Variants in CASP6 observed in about 807,000 individuals in gnomAD.
The protein encoded by CASP6 is caspase 6, also known as caspase-6.
CASP6 carries 20 observed loss-of-function variants against 31.8 expected under a neutral mutation model. The observed-to-expected ratio is 0.63, with a 90% CI of 0.44 to 0.91. CASP6 has a LOEUF of 0.91. Among genes scored for constraint, CASP6 ranks in the 40% least tolerant of loss-of-function variants. CASP6 has a pLI of 0.00. For missense variants in CASP6, 328 were observed against 361.1 expected (o/e 0.91, Z 0.74); for synonymous variants, 130 against 127.8 (o/e 1.02, Z -0.12).
chr4:109,668,186 C>T, the CASP6 span, among the ~76,000 whole-genome samples: 1 of 151,988 alleles, frequency 6.6e-6, no homozygotes, highest in Admixed American at 6.6e-5. Flanking sequence ...CTGTATACCC[C>T]GTGATTTTCT....
Position 109,694,632 on chromosome 4 carries a change from G to A in CASP6, c.376C>T (p.His126Tyr), listed in dbSNP as rs1398039972. The change falls in exon 5 of 7, where the codon CAC becomes TAC. Residue 126 changes from histidine to tyrosine, a missense_variant. His to Tyr is a moderately conservative substitution (Grantham distance 83). Coordinates refer to ENST00000265164, the MANE Select transcript of CASP6 (RefSeq NM_001226.4). Reference sequence around the variant, plus strand: ...ATTTTAGCATCATATGCATAAATGTGATTGCCTTCGCCATGGCTCAGGAAG... The same window carrying A: ...ATTTTAGCATCATATGCATAAATGTAATTGCCTTCGCCATGGCTCAGGAAG... The part of the protein sequence containing the change: ...CVFLSHGEGN[H>Y]IYAYDAKIEI... The A allele has an allele frequency of 1.2e-6, 2 of 1,612,658 alleles. No homozygotes were observed. The highest frequency in any genetic ancestry group is 1.1e-5 in the South Asian group (1 of 90,578).
chr4:109,686,313 A>G (rs1442108163), downstream of CASP6, among the ~76,000 whole-genome samples: 1 of 152,028 alleles, frequency 6.6e-6, no homozygotes, highest in Non-Finnish European at 1.5e-5. Context: ...TACTTTTTGT[A>G]TTTTTAGTAG....
At chr4:109,676,271 A>C in the CASP6 span, among the ~76,000 whole-genome samples, 1 of 152,098 alleles carries the variant, frequency 6.6e-6, no homozygotes, top group Admixed American at 6.5e-5. Flanking sequence ...GGGTGTGGTG[A>C]CTCGCACCTA....
At chr4:109,705,495 C>T (rs955420552), upstream of CASP6, among the ~76,000 whole-genome samples, 4 of 152,116 alleles carry the variant, frequency 2.6e-5, no homozygotes, top group African/African-American at 7.2e-5. Context: ...TTACAAAATA[C>T]ATTTCATAAG....
intron 2 of CASP6, among the ~76,000 whole-genome samples, 174 bp downstream of exon 2, chr4:109,698,126 C>T (rs1381903205): frequency 2.0e-5 from 3 of 152,164 alleles, no homozygotes; most frequent in Non-Finnish European, 2.9e-5. Context: ...CCGGGTCCCT[C>T]GACAACCAGG....
intron 4 of CASP6, among the ~76,000 whole-genome samples, 164 bp downstream of exon 4, chr4:109,696,246 T>C (rs1443570483): frequency 6.6e-6 from 1 of 152,242 alleles, no homozygotes; most frequent in African/African-American, 2.4e-5. Flanking sequence ...TCTCTAAATG[T>C]GCTGGGTAAC....
chr4:109,697,582 A>G (rs770436605), intron 3 of CASP6, 40 bp downstream of exon 3: 1 of 1,560,512 alleles, frequency 6.4e-7, no homozygotes, highest in South Asian at 1.2e-5. Flanking sequence ...TAATTTTATC[A>G]CTTAACTGCC....
downstream of CASP6, chr4:109,687,729 G>T: frequency 1.6e-6 from 1 of 620,298 alleles, no homozygotes; most frequent in Non-Finnish European, 2.8e-6. Flanking sequence ...ATTGTTTGAA[G>T]TTCTCAACTG....
chr4:109,679,569 C>G, the CASP6 span, among the ~76,000 whole-genome samples: 1 of 152,148 alleles, frequency 6.6e-6, no homozygotes, highest in South Asian at 2.1e-4. Context: ...TTGCAGCGAG[C>G]CGAGATCATG....
At chr4:109,703,323 C>G (rs774444293) in intron 1 of CASP6, 33 bp downstream of exon 1, 1 of 1,597,480 alleles carries the variant, frequency 6.3e-7, no homozygotes. Context: ...AGACGCAGAC[C>G]TGCTCGGTGC....
Position 109,689,036 on chromosome 4 carries a change from C to T in CASP6, c.*294G>A, listed in dbSNP as rs145990559. ...CGTTGCCCAGGCTGGAGTGCAATGG[C>T]GCAATCTCGGCTCACCGCAGCCTCC... On this transcript the variant is annotated 3_prime_UTR_variant, in exon 7 of 7. Transcript: ENST00000265164. 829 of 245,370 alleles carry T rather than the reference C, an allele frequency of 3.4e-3. 5 individuals carry two copies. Among genetic ancestry groups the T allele is most frequent in the Non-Finnish European group, 5.2e-3 (637 of 123,668 alleles). The allele number at this position is 245,370 out of a possible 1,614,324, so 15.2% of individuals were successfully genotyped here.
At chr4:109,696,361 C>T (rs373660193) in intron 4 of CASP6, 49 bp downstream of exon 4, 2 of 1,324,348 alleles carry the variant, frequency 1.5e-6, no homozygotes, top group Non-Finnish European at 1.1e-6. Context: ...GGATAAAGGA[C>T]TCGGTTTCAT....
rs948757183 is a variant in CASP6 at position 109,696,542 on chromosome 4, C to T, written c.231-56G>A. The stretch of plus-strand genomic sequence containing the variant: ...ATAAACTTTTCAAAGTTGTCAAATA[C>T]CCTTACTTTGGAAGAATCTATACAC... On this transcript the variant is annotated intron_variant, in intron 3 of 6. Transcript: ENST00000265164. 1.8e-5 allele frequency: 22 copies of T among 1,191,484 alleles called. No individual in the cohort carries two copies. The South Asian group carries it at 2.9e-4, about 16-fold the overall frequency. 73.8% of individuals were successfully genotyped at this position (1,191,484 alleles called of 1,614,324 possible).
the CASP6 span, among the ~76,000 whole-genome samples, chr4:109,672,636 G>A: frequency 1.3e-4 from 20 of 152,216 alleles, no homozygotes; most frequent in Non-Finnish European, 1.2e-4. Context: ...ACTGGTAAAT[G>A]TGGGAGAGTT....
Position 109,694,711 on chromosome 4 carries a change from C to A in CASP6, c.308-11G>T. The A allele has an allele frequency of 1.3e-6, 2 of 1,530,086 alleles. No individual in the cohort carries two copies. The highest frequency in any genetic ancestry group is 1.8e-6 in the Non-Finnish European group (2 of 1,140,558). 94.8% of individuals were successfully genotyped at this position (1,530,086 alleles called of 1,614,324 possible). Reference sequence around the variant, plus strand: ...GGCTAACAGTTGACACTATAAAGGACCCAAAAGAGAATATAGAAATGAAAA... The same window carrying A: ...GGCTAACAGTTGACACTATAAAGGAACCAAAAGAGAATATAGAAATGAAAA... On this transcript the variant is annotated splice_polypyrimidine_tract_variant and intron_variant, in intron 4 of 6. Coordinates refer to ENST00000265164, the MANE Select transcript of CASP6 (RefSeq NM_001226.4).
the CASP6 span, among the ~76,000 whole-genome samples, chr4:109,669,323 G>A: frequency 5.9e-5 from 9 of 152,140 alleles, no homozygotes; most frequent in East Asian, 1.3e-3. Context: ...TTTTTTTCTC[G>A]GAATGCTAAA....
upstream of CASP6, among the ~76,000 whole-genome samples, chr4:109,706,907 A>C (rs1730631995): frequency 6.6e-6 from 1 of 150,610 alleles, no homozygotes; most frequent in Non-Finnish European, 1.5e-5. Flanking sequence ...ACTCCATCTC[A>C]AAACAAACAA....
chr4:109,703,732 G>C, upstream of CASP6: 1 of 462,688 alleles, frequency 2.2e-6, no homozygotes, highest in Non-Finnish European at 3.8e-6. Context: ...CCTAGCCCGA[G>C]GCAATTTCAC....
At chr4:109,681,712 G>A in the CASP6 span, among the ~76,000 whole-genome samples, 1 of 152,348 alleles carries the variant, frequency 6.6e-6, no homozygotes, top group African/African-American at 2.4e-5. Flanking sequence ...GATCTGGAGC[G>A]GCAAAGGGGT....
Sources: allele counts gnomAD v4.1 joint callset (sites outside exome capture counted in the v4.1 genomes callset), GRCh38; gene constraint gnomAD v4.1.1; transcripts MANE v1.5; gene names NCBI Gene and HGNC (gene_info 2026-07-23, HGNC 2026-07-21).